The following CNTFR variants were observed in gnomAD, a reference collection of about 807,000 sequenced individuals.
CNTFR encodes ciliary neurotrophic factor receptor subunit alpha.
A neutral mutation model predicts 40.4 loss-of-function variants in CNTFR; 12 were observed. That is an observed-to-expected ratio of 0.30 (90% CI 0.19 to 0.48). The LOEUF is 0.48. CNTFR is among the 20% of genes least tolerant of loss of function. CNTFR has a pLI of 0.99. For synonymous variants in CNTFR, 202 were observed against 209.6 expected, an observed-to-expected ratio of 0.96 and a Z score of 0.31; for missense variants, 414 against 506.8, an observed-to-expected ratio of 0.82 and a Z score of 1.76.
At chr9:34,576,967 C>T (rs1334044490) in intron 2 of CNTFR, among the ~76,000 whole-genome samples, 1 of 152,250 alleles carries the variant, frequency 6.6e-6, no homozygotes, top group Non-Finnish European at 1.5e-5. Flanking sequence ...GAGACCTCCA[C>T]TCCAGCCCCC....
At chr9:34,568,866 G>A in intron 3 of CNTFR, 31 bp downstream of exon 3, 1 of 1,552,026 alleles carries the variant, frequency 6.4e-7, no homozygotes, top group Non-Finnish European at 8.7e-7. Flanking sequence ...TCTGAGAGGG[G>A]GGTCAGCAGG....
Position 34,552,064 on chromosome 9 carries a change from G to A in CNTFR, c.*7C>T. The A allele has an allele frequency of 1.4e-6, 2 of 1,479,740 alleles. No homozygotes were observed. Among genetic ancestry groups the A allele is most frequent in the Non-Finnish European group, 1.9e-6 (2 of 1,064,206 alleles). 91.7% of individuals were successfully genotyped at this position (1,479,740 alleles called of 1,614,324 possible). A position where few individuals can be genotyped will look rare whatever the true frequency, so the allele number is the denominator to read the frequency against. Reference sequence around the variant, plus strand: ...GGTGCTCTGCATGTCCTCATGGGGTGCCGGGCTCTGTAGAGACAGGCAGGG... The same window carrying A: ...GGTGCTCTGCATGTCCTCATGGGGTACCGGGCTCTGTAGAGACAGGCAGGG... On this transcript the variant is annotated 3_prime_UTR_variant, in exon 10 of 10. Coordinates refer to ENST00000378980, the MANE Select transcript of CNTFR (RefSeq NM_147164.3). The surrounding 1 kb of genome is among the most constrained non-coding windows in gnomAD (Gnocchi z 5.1).
rs1369702677 is a variant in CNTFR at position 34,551,880 on chromosome 9, G to T, written c.*191C>A. 1.0e-5 allele frequency: 7 copies of T among 688,424 alleles called. No homozygotes were observed. Among genetic ancestry groups the T allele is most frequent in the Non-Finnish European group, 1.6e-5 (6 of 376,990 alleles). The allele number at this position is 688,424 out of a possible 1,614,324, so 42.6% of individuals were successfully genotyped here. On this transcript the variant is annotated 3_prime_UTR_variant, in exon 10 of 10. Transcript: ENST00000378980. ...GGCCCACCTCCCCTGAGGGAGGAAG[G>T]AGGGCCAGCTTGGTGCGGCAGGGCT...
At chr9:34,565,083 G>C (rs4381031) in intron 3 of CNTFR, among the ~76,000 whole-genome samples, 3,404 of 152,168 alleles carry the variant, frequency 0.022, 111 homozygotes, top group African/African-American at 0.072. Flanking sequence ...GTGAATGGGC[G>C]ATCTTCTGTG....
rs577886010 is a variant in CNTFR at position 34,571,002 on chromosome 9, G to A, written c.1-2021C>T. 6.6e-5 allele frequency among the ~76,000 whole-genome samples: 10 copies of A among 152,270 alleles called. No individual in the cohort carries two copies. The South Asian group carries it at 1.7e-3, about 25-fold the overall frequency. ...GCCCTGACTGCCCCTCCCTGGCACA[G>A]TAAATCTCTCTGTGTCCTAAGTGGC... On this transcript the variant is annotated intron_variant, in intron 2 of 9. Transcript: ENST00000378980.
At chr9:34,558,458 G>C (rs188189135) in intron 4 of CNTFR, among the ~76,000 whole-genome samples, 20 of 152,352 alleles carry the variant, frequency 1.3e-4, no homozygotes, top group Non-Finnish European at 2.6e-4. Context: ...AGTAGAGACA[G>C]AGACACGAGG....
Position 34,551,573 on chromosome 9 carries a change from C to G in CNTFR, c.*498G>C, listed in dbSNP as rs1414853898. ...GGCATTAAATACTGTGGGATAGGAG[C>G]AGGGTCAGGGGAGGGGTATACAAAA... On this transcript the variant is annotated 3_prime_UTR_variant, in exon 10 of 10. Coordinates refer to ENST00000378980, the MANE Select transcript of CNTFR (RefSeq NM_147164.3). 4.1e-6 allele frequency: 1 copy of G among 245,300 alleles called. No individual in the cohort carries two copies. Among genetic ancestry groups the G allele is most frequent in the African/African-American group, 2.3e-5 (1 of 43,002 alleles). The allele number at this position is 245,300 out of a possible 1,614,324, so 15.2% of individuals were successfully genotyped here.
chr9:34,558,407 C>T (rs942190549), intron 4 of CNTFR, among the ~76,000 whole-genome samples: 5 of 152,140 alleles, frequency 3.3e-5, no homozygotes, highest in African/African-American at 7.2e-5. Flanking sequence ...GCTGGAGTAT[C>T]GGGTGCACTT....
At chr9:34,584,023 C>T (rs887622854) in intron 1 of CNTFR, among the ~76,000 whole-genome samples, 9 of 152,202 alleles carry the variant, frequency 5.9e-5, no homozygotes, top group Non-Finnish European at 1.3e-4. Flanking sequence ...CTCATTGGGA[C>T]TCTGGCTGAG....
At chr9:34,564,880 C>T (rs777514725) in intron 3 of CNTFR, 48 bp from the exon 4 acceptor site, 2 of 1,548,512 alleles carry the variant, frequency 1.3e-6, no homozygotes, top group Admixed American at 3.4e-5. Context: ...CACAGCCCGG[C>T]CCAGCACCCG....
At chr9:34,564,568 A>G (rs1334098337) in intron 4 of CNTFR, 31 bp downstream of exon 4, 4 of 1,561,690 alleles carry the variant, frequency 2.6e-6, no homozygotes, top group Non-Finnish European at 3.5e-6. Flanking sequence ...GGAAGGAGGG[A>G]GGCTGGATGA....
At chr9:34,555,643 C>T (rs1825803599) in intron 7 of CNTFR, among the ~76,000 whole-genome samples, 1 of 152,080 alleles carries the variant, frequency 6.6e-6, no homozygotes, top group Admixed American at 6.5e-5. Flanking sequence ...TCAAGCTGAC[C>T]CCTAAGCTGG....
rs143311736 is a variant in CNTFR, at chr9:34,559,092, C to G, written c.320-1108G>C. ...TGACACCTCCCTCCTGTGCCTCCCCCCTCCCCCGCCCCCGGCCTGACAGGT... is the reference window on the plus strand; with the variant it reads ...TGACACCTCCCTCCTGTGCCTCCCCGCTCCCCCGCCCCCGGCCTGACAGGT... On this transcript the variant is annotated intron_variant, in intron 4 of 9. Coordinates refer to ENST00000378980, the MANE Select transcript of CNTFR (RefSeq NM_147164.3). Among the ~76,000 whole-genome samples the G allele has an allele frequency of 5.9e-3, 896 of 152,276 alleles. 8 individuals carry two copies. The highest frequency in any genetic ancestry group is 0.02 in the African/African-American group (830 of 41,538).
rs199523536 is a variant in CNTFR, at chr9:34,557,703, G to A, written c.438-11C>T. On this transcript the variant is annotated splice_polypyrimidine_tract_variant and intron_variant, in intron 5 of 9. Coordinates refer to ENST00000378980, the MANE Select transcript of CNTFR (RefSeq NM_147164.3). This position sits in a 1 kb window ranked among gnomAD's most constrained non-coding sequence, Gnocchi z 4.2. ...ATTTTGGAGCCATGCCTGGGGAGAG[G>A]TGAGACCCAGGCACTGTTACGAACA... The A allele has an allele frequency of 8.5e-5, 137 of 1,614,080 alleles. No individual in the cohort carries two copies. In the East Asian group the frequency reaches 1.3e-3, roughly 15 times the overall value.
In CNTFR at chr9:34,562,915, T is replaced by C. The variant is rs117764314; in HGVS notation, c.319+1684A>G. 4.6e-5 allele frequency among the ~76,000 whole-genome samples: 7 copies of C among 152,294 alleles called. No homozygotes were observed. The East Asian group carries it at 1.3e-3, about 29-fold the overall frequency. On this transcript the variant is annotated intron_variant, in intron 4 of 9. Transcript: ENST00000378980. The stretch of plus-strand genomic sequence containing the variant: ...CTCTACCTTCTTGCTGGCTCCTTCT[T>C]ATTTCTTTTTGTGGCTCATTTCCCT...
rs1752767862 is a variant in CNTFR, at chr9:34,552,352, A to G, written c.950-23T>C. ...TCTCTGGGGAACATGGGGGAAACTC[A>G]GGGCAAGGCCAGGGCTGGGTCCCAT... On this transcript the variant is annotated intron_variant, in intron 8 of 9. Coordinates refer to ENST00000378980, the MANE Select transcript of CNTFR (RefSeq NM_147164.3). The surrounding 1 kb of genome is among the most constrained non-coding windows in gnomAD (Gnocchi z 5.1). The G allele has an allele frequency of 6.5e-7, 1 of 1,530,470 alleles. No individual in the cohort carries two copies. Among genetic ancestry groups the G allele is most frequent in the Non-Finnish European group, 8.7e-7 (1 of 1,143,364 alleles). The allele number at this position is 1,530,470 out of a possible 1,614,324, so 94.8% of individuals were successfully genotyped here. A position where few individuals can be genotyped will look rare whatever the true frequency, so the allele number is the denominator to read the frequency against.
chr9:34,588,622 TAGA>T (rs1011138135), intron 1 of CNTFR, among the ~76,000 whole-genome samples: 32 of 149,202 alleles, frequency 2.1e-4, no homozygotes, highest in African/African-American at 8.2e-4. Context: ...AAAGAGAGAC[TAGA>T]CGGAAAGAAA....
Position 34,578,204 on chromosome 9 carries a change from C to G in CNTFR, c.-1+2891G>C, listed in dbSNP as rs1827089790. ...GGGCCGCGCGGTGAGCGACGAGGGC[C>G]GAGCCCCGAGTGAGCGACCGGGCAA... On this transcript the variant is annotated intron_variant, in intron 2 of 9. Transcript: ENST00000378980. Among the ~76,000 whole-genome samples the G allele has an allele frequency of 4.6e-5, 7 of 152,148 alleles. No individual in the cohort carries two copies. The South Asian group carries it at 1.5e-3, about 32-fold the overall frequency.
intron 4 of CNTFR, among the ~76,000 whole-genome samples, chr9:34,562,259 A>T (rs1219950341): frequency 6.6e-6 from 1 of 152,200 alleles, no homozygotes; most frequent in African/African-American, 2.4e-5. Flanking sequence ...GCCTGGGGCT[A>T]GGCTGAGTGC....
Sources: allele counts gnomAD v4.1 joint callset (sites outside exome capture counted in the v4.1 genomes callset), GRCh38; gene constraint gnomAD v4.1.1; non-coding constraint Gnocchi (gnomAD v3.1); transcripts MANE v1.5; gene names NCBI Gene and HGNC (gene_info 2026-07-23, HGNC 2026-07-21).